Variants in TMEM165 observed in about 807,000 individuals in gnomAD.
TMEM165 encodes transmembrane protein 165.
A neutral mutation model predicts 30.0 loss-of-function variants in TMEM165; 19 were observed. The ratio of observed to expected loss-of-function variants is 0.63; its 90% CI spans 0.44 to 0.93. The LOEUF (loss-of-function observed/expected upper bound fraction) is 0.93. TMEM165 is among the 40% of genes least tolerant of loss of function. The pLI, the probability that TMEM165 is intolerant of heterozygous loss-of-function variation, is 0.00. For missense variants in TMEM165, 340 were observed against 417.0 expected, an observed-to-expected ratio of 0.82 and a Z score of 1.61; for synonymous variants, 168 against 162.9, an observed-to-expected ratio of 1.03 and a Z score of -0.24.
intron 4 of TMEM165, among the ~76,000 whole-genome samples, chr4:55,418,859 C>G (rs1721849088): frequency 6.6e-6 from 1 of 151,990 alleles, no homozygotes; most frequent in African/African-American, 2.4e-5. Flanking sequence ...CCAGCCTGAC[C>G]AGCATGGAGA....
At chr4:55,433,337 AG>A (rs1485725735) in intron 3 of TMEM165, 3 of 152,616 alleles carry the variant, frequency 2.0e-5, no homozygotes, top group Non-Finnish European at 4.4e-5. Flanking sequence ...CTTTTGTAGA[AG>A]GGTAAGTACC....
At chr4:55,439,651 GT>G (rs111772921) in intron 3 of TMEM165, among the ~76,000 whole-genome samples, 3 of 152,250 alleles carry the variant, frequency 2.0e-5, no homozygotes, top group African/African-American at 7.2e-5. Flanking sequence ...GCAAAACATA[GT>G]AGAGTAGAAT....
chr4:55,404,037 T>C (rs1029188113), intron 1 of TMEM165, among the ~76,000 whole-genome samples: 47 of 126,852 alleles, frequency 3.7e-4, no homozygotes, highest in Middle Eastern at 5.1e-3. Flanking sequence ...TCCTTCCTTC[T>C]TTCTTTCCTT....
chr4:55,405,437 TC>T (rs1393523229), intron 1 of TMEM165, among the ~76,000 whole-genome samples: 2 of 152,150 alleles, frequency 1.3e-5, no homozygotes, highest in Non-Finnish European at 2.9e-5. Flanking sequence ...ACTCTGGTGA[TC>T]CATTTCTGAT....
rs577127504 is a variant in TMEM165 at position 55,447,224 on chromosome 4, G to A, written c.409-5015G>A. Among the ~76,000 whole-genome samples, 69 of 152,108 alleles carry A rather than the reference G, an allele frequency of 4.5e-4. 1 individual carries two copies. The highest frequency in any genetic ancestry group is 1.3e-3 in the African/African-American group (56 of 41,494). Reference sequence around the variant, plus strand: ...TCTACTAAAAATATAAAAACTAGCCGGGTGTGGTGGCATGTGCCTGTAGTC... The same window carrying A: ...TCTACTAAAAATATAAAAACTAGCCAGGTGTGGTGGCATGTGCCTGTAGTC... On this transcript the variant is annotated intron_variant, in intron 3 of 3. Coordinates refer to the TMEM165 transcript ENST00000608091.
At chr4:55,447,997 CT>C (rs140564505) in intron 3 of TMEM165, among the ~76,000 whole-genome samples, 2 of 151,848 alleles carry the variant, frequency 1.3e-5, no homozygotes, top group East Asian at 1.9e-4. Context: ...ATTACTCCCC[CT>C]TTTTTTTGGC....
intron 2 of TMEM165, 32 bp downstream of exon 2, chr4:55,411,871 TGAATTAAAGG>T: frequency 1.3e-6 from 2 of 1,598,530 alleles, no homozygotes; most frequent in Admixed American, 3.3e-5. Context: ...ATGAGTTCGC[TGAATTAAAGG>T]GAAAGCGTGT....
In TMEM165 at chr4:55,452,895, AAAT is replaced by A. The variant is rs1254679581; in HGVS notation, c.*591_*593del. The A allele has an allele frequency of 7.1e-6, 4 of 563,694 alleles. No individual in the cohort carries two copies. In the Admixed American group the frequency reaches 1.3e-4, roughly 18 times the overall value. The allele number at this position is 563,694 out of a possible 1,614,324, so 34.9% of individuals were successfully genotyped here. A position where few individuals can be genotyped will look rare whatever the true frequency, so the allele number is the denominator to read the frequency against. On this transcript the variant is annotated 3_prime_UTR_variant, in exon 4 of 4. Transcript: ENST00000608091. The stretch of plus-strand genomic sequence containing the variant: ...CTTTTTAGAGGCAGGTGAGACTCTA[AAAT>A]ATTAAATTAAAAATAAGTAGTAAAG...
At chr4:55,449,279 G>GT in intron 3 of TMEM165, 1 of 911,570 alleles carries the variant, frequency 1.1e-6, no homozygotes. Context: ...TCACATATCA[G>GT]TAACTATTTT....
chr4:55,417,319 C>G (rs1721776523), intron 3 of TMEM165, 72 bp downstream of exon 3: 1 of 1,449,280 alleles, frequency 6.9e-7, no homozygotes, highest in Admixed American at 2.2e-5. Flanking sequence ...AGAGGTTTCT[C>G]AGTGGCCCCA....
intron 1 of TMEM165, among the ~76,000 whole-genome samples, chr4:55,400,265 AAT>A (rs1231594173): frequency 1.1e-5 from 1 of 92,876 alleles, no homozygotes; most frequent in Non-Finnish European, 2.0e-5. Context: ...ATTAATATAT[AAT>A]ATATAATATA....
At position 55,411,809 on chromosome 4, in the gene TMEM165, C is replaced by T. The variant is rs1236004030; in HGVS notation, c.403C>T (p.Leu135Phe). 2.5e-6 allele frequency: 4 copies of T among 1,614,088 alleles called. No homozygotes were observed. Among genetic ancestry groups the T allele is most frequent in the Non-Finnish European group, 2.5e-6 (3 of 1,180,046 alleles). Residue 135 changes from leucine (L) to phenylalanine (F), a missense_variant, in exon 2 of 6, where the codon CTT becomes TTT. Physicochemically the swap from Leu to Phe is conservative, Grantham distance 22. This residue lies in a region of TMEM165 where 220 missense variants were observed against 307.6 expected (regional missense o/e 0.72). Coordinates refer to ENST00000381334, the MANE Select transcript of TMEM165 (RefSeq NM_018475.5). ...NRLTVLAGAMLALGLMTCLSV... is the reference protein window; with the variant it reads ...NRLTVLAGAMFALGLMTCLSV... ...CCTGACCGTGCTGGCTGGTGCAATG[C>T]TTGCCTTGGGACTAATGACATGCTT...
chr4:55,442,623 A>G, intron 3 of TMEM165: 1 of 1,613,216 alleles, frequency 6.2e-7, no homozygotes, highest in Non-Finnish European at 8.5e-7. Flanking sequence ...CACTCAGTAC[A>G]TTTTGTTGAC....
intron 1 of TMEM165, among the ~76,000 whole-genome samples, chr4:55,411,131 T>C (rs1721477333): frequency 6.9e-6 from 1 of 144,880 alleles, no homozygotes; most frequent in East Asian, 2.0e-4. Flanking sequence ...TGAGATTTTG[T>C]CTCAAAAAAA....
rs1468869484 is a variant in TMEM165 at position 55,396,108 on chromosome 4, G to C, written c.-82G>C. The C allele has an allele frequency of 8.4e-7, 1 of 1,194,794 alleles. No individual in the cohort carries two copies. Among genetic ancestry groups the C allele is most frequent in the African/African-American group, 1.6e-5 (1 of 61,814 alleles). The allele number at this position is 1,194,794 out of a possible 1,614,324, so 74.0% of individuals were successfully genotyped here. On this transcript the variant is annotated 5_prime_UTR_variant, in exon 1 of 6. Coordinates refer to ENST00000381334, the MANE Select transcript of TMEM165 (RefSeq NM_018475.5). ...CGGCGGCGAGTCGTGAGGACGCGCC[G>C]CGGAGGCTGTTCGGGGTCGAGGCTT...
intron 3 of TMEM165, among the ~76,000 whole-genome samples, chr4:55,436,982 C>G (rs113328549): frequency 6.9e-6 from 1 of 144,424 alleles, no homozygotes; most frequent in South Asian, 2.2e-4. Context: ...TAAGGCAGGT[C>G]CTCTCCTTTT....
rs1724601313 is a variant in TMEM165 at position 55,452,981 on chromosome 4, CTATTAAT to C, written c.*680_*686del. 4.8e-6 allele frequency: 5 copies of C among 1,031,536 alleles called. No homozygotes were observed. The South Asian group carries it at 5.8e-5, about 12-fold the overall frequency. 63.9% of individuals were successfully genotyped at this position (1,031,536 alleles called of 1,614,324 possible). On this transcript the variant is annotated 3_prime_UTR_variant, in exon 4 of 4. Transcript: ENST00000608091. Reference sequence around the variant, plus strand: ...AAAGTATTTTTGAAAAATAGTTTTCCTATTAATTATTGAGTTTCATCTTTTATTGGGG... The same window carrying C: ...AAAGTATTTTTGAAAAATAGTTTTCCTATTGAGTTTCATCTTTTATTGGGG...
At chr4:55,397,467 T>TC (rs2109512264) in intron 1 of TMEM165, 1 of 151,372 alleles carries the variant, frequency 6.6e-6, no homozygotes, top group Non-Finnish European at 1.5e-5. Flanking sequence ...TCTTGCCAGT[T>TC]CCTCCCTAAC....
chr4:55,448,161 T>C lies in TMEM165; in HGVS notation c.409-4078T>C, dbSNP rs542174237. ...TCAGCACAGGCAATATAGCATGGTA[T>C]TGTAGGCATCTGTCATTCCCTCTAG... is the stretch of plus-strand genomic sequence containing the variant. On this transcript the variant is annotated intron_variant, in intron 3 of 3. Transcript: ENST00000608091. Among the ~76,000 whole-genome samples, 3 of 152,356 alleles carry C rather than the reference T, an allele frequency of 2.0e-5. No homozygotes were observed. In the East Asian group the frequency reaches 5.8e-4, roughly 29 times the overall value.
Sources: allele counts gnomAD v4.1 joint callset (sites outside exome capture counted in the v4.1 genomes callset), GRCh38; gene constraint gnomAD v4.1.1; regional missense constraint gnomAD v4.1.1; transcripts MANE v1.5; gene names NCBI Gene and HGNC (gene_info 2026-07-23, HGNC 2026-07-21).